CLDN16: variants seen among roughly 807,000 people sequenced by gnomAD.
CLDN16 encodes the protein claudin 16.
CLDN16 carries 13 observed loss-of-function variants against 24.6 expected under a neutral mutation model. The observed-to-expected ratio is 0.53, with a 90% CI of 0.34 to 0.84. The LOEUF (loss-of-function observed/expected upper bound fraction) is 0.84. CLDN16 is among the 40% of genes least tolerant of loss of function. CLDN16 has a pLI of 0.01. For synonymous variants in CLDN16, 116 were observed against 106.7 expected, an observed-to-expected ratio of 1.09 and a Z score of -0.54; for missense variants, 298 against 292.7, an observed-to-expected ratio of 1.02 and a Z score of -0.13.
chr3:190,392,329 T>C (rs986621599), intron 1 of CLDN16, among the ~76,000 whole-genome samples: 3 of 151,964 alleles, frequency 2.0e-5, no homozygotes, highest in African/African-American at 7.3e-5. Context: ...TCTCTTTCCC[T>C]CCTATATCCT....
In CLDN16 at chr3:190,355,715, G is replaced by T. The variant is rs558581555; in HGVS notation, n.122-15178G>T. Among the ~76,000 whole-genome samples, 30 of 151,758 alleles carry T rather than the reference G, an allele frequency of 2.0e-4. No individual in the cohort carries two copies. In the Middle Eastern group the frequency reaches 0.01, roughly 52 times the overall value. ...AGAACCAATATAGAGCATTTTAATGGAATATTCACATGCATTGAGATTCTA... is the reference window on the plus strand; with the variant it reads ...AGAACCAATATAGAGCATTTTAATGTAATATTCACATGCATTGAGATTCTA... On this transcript the variant is annotated intron_variant and non_coding_transcript_variant, in intron 1 of 4. Transcript: ENST00000468220.
intron 1 of CLDN16, among the ~76,000 whole-genome samples, chr3:190,347,472 A>C (rs1717575988): frequency 6.6e-6 from 1 of 152,198 alleles, no homozygotes; most frequent in African/African-American, 2.4e-5. Context: ...ACTCAAAAGA[A>C]AGGTCTGTGT....
chr3:190,318,469 G>C (rs563242021), upstream of CLDN16, among the ~76,000 whole-genome samples: 4 of 152,256 alleles, frequency 2.6e-5, no homozygotes, highest in Admixed American at 2.6e-4. Flanking sequence ...ATAGGGCCTA[G>C]CTTGCATCTG....
chr3:190,368,677 T>C (rs951798433), intron 1 of CLDN16, among the ~76,000 whole-genome samples: 2 of 152,082 alleles, frequency 1.3e-5, no homozygotes, highest in East Asian at 3.9e-4. Flanking sequence ...ATTCTCCTAT[T>C]TCCTGGATGG....
At chr3:190,385,487 C>A (rs1319358120), upstream of CLDN16, among the ~76,000 whole-genome samples, 6 of 152,202 alleles carry the variant, frequency 3.9e-5, no homozygotes, top group African/African-American at 1.4e-4. Flanking sequence ...AGGAACAATT[C>A]TATAGCCACC....
chr3:190,392,406 C>T (rs1481205827), intron 1 of CLDN16, among the ~76,000 whole-genome samples: 1 of 151,536 alleles, frequency 6.6e-6, no homozygotes, highest in Non-Finnish European at 1.5e-5. Context: ...TTTCTTTCTA[C>T]CTTTTGTCAT....
chr3:190,316,479 G>A, the CLDN16 span, among the ~76,000 whole-genome samples: 5 of 152,196 alleles, frequency 3.3e-5, no homozygotes, highest in East Asian at 3.8e-4. Flanking sequence ...CAAGCAAGGC[G>A]TAGGTAATGA....
At chr3:190,328,364 T>G (rs1717114420) in intron 1 of CLDN16, among the ~76,000 whole-genome samples, 3 of 152,152 alleles carry the variant, frequency 2.0e-5, no homozygotes, top group African/African-American at 7.2e-5. Flanking sequence ...TCTCTCTCCA[T>G]TAGACATGAT....
chr3:190,301,256 A>T, the CLDN16 span, among the ~76,000 whole-genome samples: 1 of 152,202 alleles, frequency 6.6e-6, no homozygotes, highest in East Asian at 1.9e-4. Flanking sequence ...GCACTTTGGG[A>T]GACTGAGGTG....
the CLDN16 span, chr3:190,307,270 A>C: frequency 6.6e-6 from 1 of 152,270 alleles, no homozygotes; most frequent in African/African-American, 2.4e-5. Context: ...TTAGGAAGAT[A>C]TAAAACGCAT....
At chr3:190,373,338 C>T (rs1718180769) in intron 2 of CLDN16, among the ~76,000 whole-genome samples, 1 of 151,944 alleles carries the variant, frequency 6.6e-6, no homozygotes. Context: ...CCAGCAAATT[C>T]TTACTTTACA....
intron 1 of CLDN16, among the ~76,000 whole-genome samples, chr3:190,364,135 C>G (rs778083689): frequency 6.6e-6 from 1 of 151,848 alleles, no homozygotes; most frequent in Non-Finnish European, 1.5e-5. Flanking sequence ...CCTTTTTCCT[C>G]GTCCTTCAGC....
chr3:190,315,192 T>G, the CLDN16 span, among the ~76,000 whole-genome samples: 1 of 152,202 alleles, frequency 6.6e-6, no homozygotes, highest in African/African-American at 2.4e-5. Flanking sequence ...GGAAAATATT[T>G]CAGGCAGAGA....
At chr3:190,341,726 T>C (rs111695241) in intron 1 of CLDN16, among the ~76,000 whole-genome samples, 5,958 of 152,298 alleles carry the variant, frequency 0.039, 384 homozygotes, top group African/African-American at 0.13. Flanking sequence ...TCTTTTCTAT[T>C]GCATTGTCAG....
At chr3:190,396,775 A>G (rs1291998123) in intron 1 of CLDN16, among the ~76,000 whole-genome samples, 1 of 152,232 alleles carries the variant, frequency 6.6e-6, no homozygotes, top group Non-Finnish European at 1.5e-5. Context: ...AATGCCAGCT[A>G]GAGAGACTTG....
At chr3:190,320,129 T>G (rs1716880720), upstream of CLDN16, among the ~76,000 whole-genome samples, 1 of 152,218 alleles carries the variant, frequency 6.6e-6, no homozygotes, top group African/African-American at 2.4e-5. Flanking sequence ...AATAACTACA[T>G]TAACCAAAAA....
chr3:190,351,805 G>A lies in CLDN16; in HGVS notation n.122-19088G>A, dbSNP rs978447612. Reference sequence around the variant, plus strand: ...AGTCAAAAAATCACAAAAACTTAACGTTATTTTATCTATTAGCATTCTAAA... The same window carrying A: ...AGTCAAAAAATCACAAAAACTTAACATTATTTTATCTATTAGCATTCTAAA... On this transcript the variant is annotated intron_variant and non_coding_transcript_variant, in intron 1 of 4. Coordinates refer to the CLDN16 transcript ENST00000468220. Among the ~76,000 whole-genome samples the A allele has an allele frequency of 5.3e-5, 8 of 152,010 alleles. No individual in the cohort carries two copies. The South Asian group carries it at 1.2e-3, about 24-fold the overall frequency.
upstream of CLDN16, among the ~76,000 whole-genome samples, chr3:190,317,982 TC>T: frequency 6.6e-6 from 1 of 152,332 alleles, no homozygotes; most frequent in East Asian, 1.9e-4. Flanking sequence ...ATATTGTGCT[TC>T]CTTCTCCCCT....
At chr3:190,308,240 G>A in the CLDN16 span, 2 of 1,611,518 alleles carry the variant, frequency 1.2e-6, no homozygotes, top group African/African-American at 2.7e-5. Flanking sequence ...TCCATTTTCG[G>A]TTTGTTTCAA....
Sources: gnomAD v4.1 joint callset for allele counts (sites outside exome capture counted in the v4.1 genomes callset) on GRCh38, gnomAD v4.1.1 for gene constraint, MANE v1.5 for transcripts, NCBI Gene and HGNC (gene_info 2026-07-23, HGNC 2026-07-21) for gene names.